Variants in CRACD observed in about 807,000 individuals in gnomAD.
The protein encoded by CRACD is capping protein inhibiting regulator of actin dynamics.
In CRACD, 56 loss-of-function variants were observed where a neutral mutation model predicts 106.8. The ratio of observed to expected loss-of-function variants is 0.52; its 90% CI spans 0.42 to 0.66. The LOEUF is 0.66. Ranked by LOEUF, CRACD falls within the 30% of genes least tolerant of loss-of-function variation. The probability of loss-of-function intolerance (pLI) is 0.00; values close to 1 mark genes in which losing one functional copy is unlikely to be tolerated. For missense variants in CRACD, 1,730 were observed against 1,623.2 expected, an observed-to-expected ratio of 1.07 and a Z score of -1.13; for synonymous variants, 754 against 670.8, an observed-to-expected ratio of 1.12 and a Z score of -1.92.
At chr4:56,273,770 G>A (rs1251329132) in intron 3 of CRACD, among the ~76,000 whole-genome samples, 1 of 152,252 alleles carries the variant, frequency 6.6e-6, no homozygotes, top group South Asian at 2.1e-4. Context: ...CAGGGACTAG[G>A]TTTCATTCAG....
Position 56,314,680 on chromosome 4 carries a change from G to T in CRACD, c.1178G>T (p.Arg393Leu). ...GCGTTGGAGGAGACTGGGGAGGGCC[G>T]GCGGGGCGCGGAGGAGGAGGATCTG... ...PEALEETGEG[R>L]RGAEEEDLGE... The change falls in exon 8 of 11, where the codon CGG becomes CTG. Residue 393 changes from arginine to leucine, a missense_variant. Arg to Leu is a moderately radical substitution (Grantham distance 102). Transcript: ENST00000682029. This position sits in a 1 kb window ranked among gnomAD's most constrained non-coding sequence, Gnocchi z 4.4. 2.6e-6 allele frequency: 4 copies of T among 1,551,302 alleles called. No individual in the cohort carries two copies. Among genetic ancestry groups the T allele is most frequent in the Non-Finnish European group, 3.5e-6 (4 of 1,147,398 alleles).
chr4:56,257,698 G>C (rs891659777), intron 2 of CRACD, among the ~76,000 whole-genome samples: 1 of 152,076 alleles, frequency 6.6e-6, no homozygotes, highest in East Asian at 1.9e-4. Context: ...TGTCTCTTGT[G>C]GGGGCAACAT....
At chr4:56,237,537 C>G (rs368707502) in intron 2 of CRACD, among the ~76,000 whole-genome samples, 1 of 152,042 alleles carries the variant, frequency 6.6e-6, no homozygotes, top group Admixed American at 6.6e-5. Flanking sequence ...CTTTTTTTGA[C>G]TACCTATTAT....
chr4:56,307,368 T>C (rs1199844520), intron 4 of CRACD, among the ~76,000 whole-genome samples, 167 bp from the exon 5 acceptor site: 1 of 152,092 alleles, frequency 6.6e-6, no homozygotes, highest in Non-Finnish European at 1.5e-5. Flanking sequence ...GAAAACAAAT[T>C]AACTTATTAC....
chr4:56,100,357 C>A (rs1733740600), intron 1 of CRACD, among the ~76,000 whole-genome samples: 1 of 152,148 alleles, frequency 6.6e-6, no homozygotes, highest in African/African-American at 2.4e-5. Context: ...TCATTCTGAG[C>A]AGCTCTATAT....
At chr4:56,057,070 A>T (rs1732099611) in intron 1 of CRACD, among the ~76,000 whole-genome samples, 1 of 152,120 alleles carries the variant, frequency 6.6e-6, no homozygotes. Context: ...TAATGTTACC[A>T]TTTTTTTACT....
chr4:56,302,115 A>C (rs1744402851), intron 4 of CRACD, among the ~76,000 whole-genome samples: 1 of 152,186 alleles, frequency 6.6e-6, no homozygotes, highest in South Asian at 2.1e-4. Context: ...TCTCCTCCTG[A>C]AAACTAAGGG....
Position 56,307,422 on chromosome 4 carries a change from T to C in CRACD, c.121-113T>C, listed in dbSNP as rs999178921. On this transcript the variant is annotated intron_variant, in intron 4 of 10. Transcript: ENST00000682029. ...CCTGGCATGGTGTTGAGTCTAGAAA[T>C]CAGTTGTGCACAAGGTATGCCTCAG... is the stretch of plus-strand genomic sequence containing the variant. 6.6e-6 allele frequency: 6 copies of C among 906,694 alleles called. No homozygotes were observed. In the African/African-American group the frequency reaches 8.3e-5, roughly 12 times the overall value. The allele number at this position is 906,694 out of a possible 1,614,324, so 56.2% of individuals were successfully genotyped here.
chr4:56,323,542 A>G lies in CRACD; in HGVS notation c.3353A>G (p.Gln1118Arg). 1.3e-6 allele frequency: 2 copies of G among 1,586,434 alleles called. No individual in the cohort carries two copies. The highest frequency in any genetic ancestry group is 8.5e-7 in the Non-Finnish European group (1 of 1,172,826). ...AGAAAGCAAGCCAGAGAGGCCAAAC[A>G]GGCAGAAAAGCTCTCCAAAGAAAAT... ...EERKQAREAK[Q>R]AEKLSKENVS... The change falls in exon 9 of 11, where the codon CAG becomes CGG. Residue 1118 changes from glutamine to arginine, a missense_variant. Coordinates refer to ENST00000682029, the MANE Select transcript of CRACD (RefSeq NM_001393381.1).
In CRACD at chr4:56,307,589, A is replaced by G. The variant is rs1296991208; in HGVS notation, c.175A>G (p.Met59Val). ...FGQRSPNAIP[M>V]NKANSGEASL... Reference sequence around the variant, plus strand: ...GCAGCGGTCACCCAATGCCATTCCCATGAATAAGGCAAACAGTGGAGAGGC... The same window carrying G: ...GCAGCGGTCACCCAATGCCATTCCCGTGAATAAGGCAAACAGTGGAGAGGC... The change falls in exon 5 of 11, where the codon ATG becomes GTG. Residue 59 changes from methionine (M) to valine (V), a missense_variant. By Grantham distance (21) the Met-to-Val change is conservative. Around this residue, in one of 5 missense-constraint regions of CRACD, gnomAD observed 1,620 missense variants for 1,481.6 expected, o/e 1.09. Coordinates refer to ENST00000682029, the MANE Select transcript of CRACD (RefSeq NM_001393381.1). 6.2e-7 allele frequency: 1 copy of G among 1,614,088 alleles called. No individual in the cohort carries two copies. Among genetic ancestry groups the G allele is most frequent in the Non-Finnish European group, 8.5e-7 (1 of 1,180,046 alleles).
chr4:56,251,336 C>A (rs574937587), intron 2 of CRACD, among the ~76,000 whole-genome samples: 7 of 152,148 alleles, frequency 4.6e-5, no homozygotes, highest in Non-Finnish European at 1.0e-4. Context: ...CAAATAGTGG[C>A]TTCACTGTCA....
At chr4:56,292,313 T>C (rs1743740235) in intron 3 of CRACD, among the ~76,000 whole-genome samples, 1 of 152,132 alleles carries the variant, frequency 6.6e-6, no homozygotes, top group South Asian at 2.1e-4. Flanking sequence ...GAGGGGGACC[T>C]TAGGAAATAA....
rs149682034 is a variant in CRACD, at chr4:56,058,266, C to T, written c.-336+8967C>T. On this transcript the variant is annotated intron_variant, in intron 1 of 10. Coordinates refer to ENST00000682029, the MANE Select transcript of CRACD (RefSeq NM_001393381.1). ...TGTATTTTTAGTAGAGACGATGTTT[C>T]ACCATGTTGACTAGGCTGGTCTCGA... Among the ~76,000 whole-genome samples the T allele has an allele frequency of 2.0e-3, 301 of 152,274 alleles. 4 individuals are homozygous for T. The East Asian group carries it at 0.052, about 27-fold the overall frequency.
At chr4:56,324,712 G>A (rs1746319595) in intron 10 of CRACD, among the ~76,000 whole-genome samples, 1 of 152,168 alleles carries the variant, frequency 6.6e-6, no homozygotes, top group South Asian at 2.1e-4. Flanking sequence ...TTCTAAACAA[G>A]AGAAAAGACA....
chr4:56,163,686 G>A (rs1736037822), intron 1 of CRACD, among the ~76,000 whole-genome samples: 2 of 152,054 alleles, frequency 1.3e-5, no homozygotes, highest in South Asian at 2.1e-4. Context: ...CACTCAGCAA[G>A]TTACAAATCC....
At chr4:56,152,018 T>C (rs539218218) in intron 1 of CRACD, among the ~76,000 whole-genome samples, 1 of 151,054 alleles carries the variant, frequency 6.6e-6, no homozygotes, top group Non-Finnish European at 1.5e-5. Flanking sequence ...TTTTTCTTTT[T>C]TTTTTTTTTG....
At chr4:56,266,311 G>A (rs963139382) in intron 2 of CRACD, among the ~76,000 whole-genome samples, 8 of 152,148 alleles carry the variant, frequency 5.3e-5, no homozygotes, top group African/African-American at 1.9e-4. Context: ...CTGGTAAGCA[G>A]ATGTTTCATA....
rs755896088 is a variant in CRACD, at chr4:56,324,305, G to A, written c.3541+39G>A. ...CCATTGCTTTGTAACTGTAGTTCCA[G>A]GTTTCTCTTTGTAGAGCGTGCTTTA... On this transcript the variant is annotated intron_variant, in intron 10 of 10. Transcript: ENST00000682029. The A allele has an allele frequency of 1.9e-6, 3 of 1,585,522 alleles. No individual in the cohort carries two copies. The Admixed American group carries it at 5.2e-5, about 27-fold the overall frequency.
At chr4:56,070,800 CAGA>C (rs1732619626) in intron 1 of CRACD, among the ~76,000 whole-genome samples, 1 of 146,840 alleles carries the variant, frequency 6.8e-6, no homozygotes, top group South Asian at 2.2e-4. Flanking sequence ...ACCTGTGTTG[CAGA>C]AGGAGTCTGT....
Sources: gnomAD v4.1 joint callset for allele counts (sites outside exome capture counted in the v4.1 genomes callset) on GRCh38, gnomAD v4.1.1 for gene constraint, gnomAD v4.1.1 regional missense constraint, Gnocchi (gnomAD v3.1) non-coding constraint, MANE v1.5 for transcripts, NCBI Gene and HGNC (gene_info 2026-07-23, HGNC 2026-07-21) for gene names.